CCT6B: variants seen among roughly 807,000 people sequenced by gnomAD.
CCT6B encodes the protein probable T-complex protein 1 subunit zeta-2.
A neutral mutation model predicts 61.5 loss-of-function variants in CCT6B; 49 were observed. The ratio of observed to expected loss-of-function variants is 0.80; its 90% CI spans 0.63 to 1.01. The LOEUF (loss-of-function observed/expected upper bound fraction) is 1.01, where lower values mean the gene tolerates loss of function less well. Ranked by LOEUF, CCT6B falls within the 50% of genes least tolerant of loss-of-function variation. The pLI is 0.00. For synonymous variants in CCT6B, 228 were observed against 214.5 expected, an observed-to-expected ratio of 1.06 and a Z score of -0.55; for missense variants, 666 against 634.7, an observed-to-expected ratio of 1.05 and a Z score of -0.53.
intron 5 of CCT6B, among the ~76,000 whole-genome samples, chr17:34,946,799 C>T (rs1450071794): frequency 6.6e-6 from 1 of 152,096 alleles, no homozygotes; most frequent in Non-Finnish European, 1.5e-5. Flanking sequence ...AGGTCAGAAA[C>T]AAAGAGTACC....
At chr17:34,955,197 T>C (rs2090334610) in intron 3 of CCT6B, among the ~76,000 whole-genome samples, 1 of 152,184 alleles carries the variant, frequency 6.6e-6, no homozygotes, top group African/African-American at 2.4e-5. Context: ...GGAACTAGTC[T>C]AGCTTAAAGG....
rs568526219 is a variant in CCT6B, at chr17:34,934,820, A to G, written c.1214-2320T>C. Reference sequence around the variant, plus strand: ...GAAGAAAAACTTTCCAATTCACTCTATGAGTACAGCATTGTTCTAACACCA... The same window carrying G: ...GAAGAAAAACTTTCCAATTCACTCTGTGAGTACAGCATTGTTCTAACACCA... On this transcript the variant is annotated intron_variant, in intron 10 of 13. Transcript: ENST00000314144. 3.1e-4 allele frequency among the ~76,000 whole-genome samples: 47 copies of G among 152,348 alleles called. No homozygotes were observed. In the South Asian group the frequency reaches 9.1e-3, roughly 30 times the overall value.
intron 10 of CCT6B, among the ~76,000 whole-genome samples, chr17:34,933,989 T>A (rs527571584): frequency 1.3e-5 from 2 of 151,654 alleles, no homozygotes; most frequent in South Asian, 4.2e-4. Flanking sequence ...ATTAGCCAGG[T>A]TTGGTGGCAC....
chr17:34,931,400 G>A (rs2090034019), intron 11 of CCT6B, among the ~76,000 whole-genome samples: 1 of 152,036 alleles, frequency 6.6e-6, no homozygotes. Context: ...GTTTCCTCTA[G>A]TGCCGCTAGC....
intron 5 of CCT6B, among the ~76,000 whole-genome samples, chr17:34,949,996 T>C (rs1172540059): frequency 6.6e-6 from 1 of 152,178 alleles, no homozygotes; most frequent in Non-Finnish European, 1.5e-5. Flanking sequence ...AAGCTGACTA[T>C]ACACTGAGCC....
At chr17:34,928,891 G>T in intron 13 of CCT6B, 71 bp downstream of exon 13, 3 of 914,562 alleles carry the variant, frequency 3.3e-6, no homozygotes, top group Non-Finnish European at 5.2e-6. Flanking sequence ...AAAAATAATA[G>T]AAAAAATTTC....
At chr17:34,958,729 G>A (rs752885937) in intron 2 of CCT6B, 35 bp from the exon 3 acceptor site, 31 of 1,542,718 alleles carry the variant, frequency 2.0e-5, no homozygotes, top group Non-Finnish European at 2.7e-5. Context: ...AAAAAGACAG[G>A]ATGAGATAAG....
At chr17:34,952,211 T>C (rs1277775635) in intron 4 of CCT6B, among the ~76,000 whole-genome samples, 158 bp from the exon 5 acceptor site, 1 of 152,228 alleles carries the variant, frequency 6.6e-6, no homozygotes, top group African/African-American at 2.4e-5. Context: ...ATGCTAACAA[T>C]AGCCAATGCC....
At chr17:34,960,802 C>G (rs548522850) in intron 1 of CCT6B, among the ~76,000 whole-genome samples, 36 of 152,288 alleles carry the variant, frequency 2.4e-4, no homozygotes, top group Middle Eastern at 3.4e-3. Flanking sequence ...TCTGAACAAC[C>G]ATAGACACGG....
chr17:34,943,472 T>A (rs1187084780), intron 5 of CCT6B: 2 of 152,238 alleles, frequency 1.3e-5, no homozygotes, highest in African/African-American at 4.8e-5. Context: ...TTGATGGTTA[T>A]AAAAAGTATG....
At chr17:34,943,041 T>C in intron 5 of CCT6B, 135 bp from the exon 6 acceptor site, 1 of 613,800 alleles carries the variant, frequency 1.6e-6, no homozygotes, top group Middle Eastern at 4.7e-4. Context: ...TAACAGTTTT[T>C]GGTGTTTTTG....
chr17:34,939,065 C>T, intron 10 of CCT6B, 118 bp downstream of exon 10: 1 of 834,662 alleles, frequency 1.2e-6, no homozygotes. Context: ...GCCTGGGCAA[C>T]AGAGGAAGAC....
intron 4 of CCT6B, 92 bp downstream of exon 4, chr17:34,954,334 C>A: frequency 1.0e-6 from 1 of 986,328 alleles, no homozygotes; most frequent in Non-Finnish European, 1.5e-6. Context: ...CCCAAAAAAC[C>A]ACATGAAATA....
At chr17:34,947,150 GAC>G (rs1325239847) in intron 5 of CCT6B, among the ~76,000 whole-genome samples, 1 of 152,056 alleles carries the variant, frequency 6.6e-6, no homozygotes, top group Non-Finnish European at 1.5e-5. Flanking sequence ...CAACACGAAA[GAC>G]AGCAAGACAA....
At chr17:34,942,713 C>T in intron 6 of CCT6B, 70 bp from the exon 7 acceptor site, 1 of 1,487,926 alleles carries the variant, frequency 6.7e-7, no homozygotes, top group Non-Finnish European at 9.2e-7. Flanking sequence ...GTAGTCTACA[C>T]CAAACATCTG....
In CCT6B at chr17:34,932,402, G is replaced by A. The variant is rs1323016602; in HGVS notation, c.1312C>T (p.Gln438Ter). 9 of 1,611,590 alleles carry A rather than the reference G, an allele frequency of 5.6e-6. No individual in the cohort carries two copies. In the East Asian group the frequency reaches 2.0e-4, roughly 36 times the overall value. Residue 438 changes from glutamine to a stop codon, truncating the protein, a stop_gained, in exon 11 of 14, where the codon CAA becomes TAA. Transcript: ENST00000314144. LOFTEE classifies it high-confidence loss of function. ...SIKGRARLGV[Q>*]AFADALLIIP... is the part of the protein sequence containing the mutation. ...ATGAGTAAGGCATCAGCAAAAGCTT[G>A]GACTCCAAGACGAGCTCTTCCTTTT... is the stretch of plus-strand genomic sequence containing the variant.
Position 34,939,725 on chromosome 17 carries a change from T to C in CCT6B, c.969-12A>G. The C allele has an allele frequency of 6.5e-7, 1 of 1,527,160 alleles. No homozygotes were observed. The allele number at this position is 1,527,160 out of a possible 1,614,324, so 94.6% of individuals were successfully genotyped here. On this transcript the variant is annotated splice_polypyrimidine_tract_variant and intron_variant, in intron 8 of 13. Transcript: ENST00000314144. ...AAGCAAGAGAGAGTCTGAAATTACA[T>C]ATATGTCACCATAGCTTGATTATGG... is the stretch of plus-strand genomic sequence containing the variant.
rs959927216 is a variant in CCT6B at position 34,959,291 on chromosome 17, A to T, written c.201+296T>A. ...GGCGTATGTCACCACACTGAGCAAA[A>T]TTTTTTTTTTTTTTTTTTTTTGTAG... On this transcript the variant is annotated intron_variant, in intron 2 of 13. Transcript: ENST00000314144. Among the ~76,000 whole-genome samples the T allele has an allele frequency of 2.1e-3, 277 of 129,630 alleles. 1 individual carries two copies. Among genetic ancestry groups the T allele is most frequent in the Non-Finnish European group, 3.6e-3 (215 of 60,420 alleles). 85.0% of individuals were successfully genotyped at this position (129,630 alleles called of 152,430 possible). A position where few individuals can be genotyped will look rare whatever the true frequency, so the allele number is the denominator to read the frequency against.
intron 4 of CCT6B, among the ~76,000 whole-genome samples, chr17:34,952,634 G>A (rs760326470): frequency 8.5e-5 from 13 of 152,192 alleles, no homozygotes; most frequent in Admixed American, 2.6e-4. Context: ...AGAAAGCTAC[G>A]TCTCATTTAT....
Sources: gnomAD v4.1 joint callset for allele counts (sites outside exome capture counted in the v4.1 genomes callset) on GRCh38, gnomAD v4.1.1 for gene constraint, MANE v1.5 for transcripts, NCBI Gene and HGNC (gene_info 2026-07-23, HGNC 2026-07-21) for gene names.